The following ANKRD30A variants were observed in gnomAD, a reference collection of about 807,000 sequenced individuals.
ANKRD30A encodes the protein ankyrin repeat domain 30A.
ANKRD30A carries 170 observed loss-of-function variants against 166.3 expected under a neutral mutation model. The ratio of observed to expected loss-of-function variants is 1.02; its 90% CI spans 0.90 to 1.16. ANKRD30A has a LOEUF of 1.16. Ranked by LOEUF, ANKRD30A falls within the 50% of genes most tolerant of loss-of-function variation. ANKRD30A has a pLI of 0.00. For missense variants in ANKRD30A, 1,630 were observed against 1,518.0 expected, an observed-to-expected ratio of 1.07 and a Z score of -1.23; for synonymous variants, 564 against 508.9, an observed-to-expected ratio of 1.11 and a Z score of -1.46.
chr10:37,189,985 A>T (rs1419289088), intron 25 of ANKRD30A, among the ~76,000 whole-genome samples: 7 of 151,842 alleles, frequency 4.6e-5, no homozygotes, highest in Non-Finnish European at 1.0e-4. Flanking sequence ...ACCTTCTAGA[A>T]CCAAAATTTA....
At chr10:37,234,401 T>A (rs1357369951), downstream of ANKRD30A, among the ~76,000 whole-genome samples, 1 of 152,152 alleles carries the variant, frequency 6.6e-6, no homozygotes, top group Non-Finnish European at 1.5e-5. Context: ...TTGTAATAAA[T>A]GAAATCATAA....
rs764425571 is a variant in ANKRD30A, at chr10:37,158,575, C to G, written c.1889C>G (p.Thr630Ser). The G allele has an allele frequency of 7.4e-6, 12 of 1,612,612 alleles. No individual in the cohort carries two copies. The highest frequency in any genetic ancestry group is 9.3e-6 in the Non-Finnish European group (11 of 1,179,484). Residue 630 changes from threonine to serine, a missense_variant, in exon 15 of 36, where the codon ACT becomes AGT. By Grantham distance (58) the Thr-to-Ser change is moderately conservative. This residue lies in a region of ANKRD30A where 904 missense variants were observed against 818.5 expected (regional missense o/e 1.10). Transcript: ENST00000361713. The stretch of plus-strand genomic sequence containing the variant: ...GCCTTAGAATTGAAGGACATGCAAA[C>G]TTTCAAAGCAGGTAAATTTTGTAAT... ...TKALELKDMQ[T>S]FKAEPPGKPS...
At chr10:37,164,981 G>C (rs11011055) in intron 17 of ANKRD30A, 113 bp from the exon 18 acceptor site, 64,156 of 1,123,216 alleles carry the variant, frequency 0.057, 2,162 homozygotes, top group Non-Finnish European at 0.062. Flanking sequence ...AAGAACATAT[G>C]GGCCACAGAG....
chr10:37,197,420 A>G lies in ANKRD30A; in HGVS notation c.2656A>G (p.Met886Val). The G allele has an allele frequency of 1.2e-6, 2 of 1,612,696 alleles. No homozygotes were observed. Among genetic ancestry groups the G allele is most frequent in the Non-Finnish European group, 1.7e-6 (2 of 1,179,722 alleles). ...KPSAFEPAIE[M>V]QKSVPNKALE... Reference sequence around the variant, plus strand: ...CAACCCCATTTAGCCTGCCATTGAAATGCAAAAGTCTGTTCCAAATAAAGC... The same window carrying G: ...CAACCCCATTTAGCCTGCCATTGAAGTGCAAAAGTCTGTTCCAAATAAAGC... Residue 886 changes from methionine to valine, a missense_variant, in exon 29 of 36, where the codon ATG becomes GTG. Around this residue, in one of 4 missense-constraint regions of ANKRD30A, gnomAD observed 712 missense variants for 629.3 expected, o/e 1.13. Coordinates refer to ENST00000361713, the MANE Select transcript of ANKRD30A (RefSeq NM_052997.3).
chr10:37,151,057 G>C (rs199724168), intron 11 of ANKRD30A, among the ~76,000 whole-genome samples: 4,592 of 81,240 alleles, frequency 0.057, 255 homozygotes, highest in African/African-American at 0.065. Flanking sequence ...TGAACATTAG[G>C]GATGCTAAGA....
intron 30 of ANKRD30A, among the ~76,000 whole-genome samples, chr10:37,201,026 GC>G (rs1841580528): frequency 6.6e-6 from 1 of 151,930 alleles, no homozygotes; most frequent in African/African-American, 2.4e-5. Flanking sequence ...CGAGTTAATG[GC>G]CACATGGACA....
In ANKRD30A at chr10:37,159,139, C is replaced by G. The variant is rs535877507; in HGVS notation, c.1900+553C>G. Among the ~76,000 whole-genome samples the G allele has an allele frequency of 2.2e-3, 342 of 152,232 alleles. 1 individual carries two copies. Among genetic ancestry groups the G allele is most frequent in the Middle Eastern group, 6.8e-3 (2 of 294 alleles). On this transcript the variant is annotated intron_variant, in intron 15 of 35. Transcript: ENST00000361713. ...ACTATAAAGCATTTGGCCTTGGTGTCTTTTAATGCTACTGTAATGAATTGC... is the reference window on the plus strand; with the variant it reads ...ACTATAAAGCATTTGGCCTTGGTGTGTTTTAATGCTACTGTAATGAATTGC...
chr10:37,146,173 TC>T (rs1837497007), intron 8 of ANKRD30A, among the ~76,000 whole-genome samples: 1 of 26,420 alleles, frequency 3.8e-5, no homozygotes, highest in African/African-American at 1.2e-4. Flanking sequence ...AAAAAGACTT[TC>T]TAATACTTGA....
rs570556871 is a variant in ANKRD30A, at chr10:37,199,613, C to T, written c.2717-114C>T. 4.7e-4 allele frequency: 264 copies of T among 556,702 alleles called. 5 individuals are homozygous for T. The South Asian group carries it at 4.7e-3, about 10-fold the overall frequency. 34.5% of individuals were successfully genotyped at this position (556,702 alleles called of 1,614,324 possible). On this transcript the variant is annotated intron_variant, in intron 29 of 35. Transcript: ENST00000361713. ...CATTGTAATCAACAAAAAGAATATA[C>T]GGGCTACAGAGGAGGAACCACAGAT...
At chr10:37,137,703 G>C (rs1459386741) in intron 6 of ANKRD30A, among the ~76,000 whole-genome samples, 2 of 152,202 alleles carry the variant, frequency 1.3e-5, no homozygotes, top group Non-Finnish European at 2.9e-5. Flanking sequence ...GCCGAGGCTT[G>C]AGTAGGTAAA....
At chr10:37,161,756 A>G (rs1838895411) in intron 15 of ANKRD30A, among the ~76,000 whole-genome samples, 1 of 152,188 alleles carries the variant, frequency 6.6e-6, no homozygotes, top group Admixed American at 6.5e-5. Context: ...AATGACACAT[A>G]TTGAAAACTA....
intron 31 of ANKRD30A, among the ~76,000 whole-genome samples, chr10:37,215,108 ATT>A (rs1465704509): frequency 6.6e-6 from 1 of 151,406 alleles, no homozygotes; most frequent in Non-Finnish European, 1.5e-5. Context: ...TATCTTCTTG[ATT>A]TTTATTGTAG....
In ANKRD30A at chr10:37,216,382, T is replaced by C; in HGVS notation, c.3071T>C (p.Leu1024Pro). 2.5e-6 allele frequency: 4 copies of C among 1,602,022 alleles called. No individual in the cohort carries two copies. The highest frequency in any genetic ancestry group is 2.6e-6 in the Non-Finnish European group (3 of 1,174,144). ...CAAAAAGTTAAATGGGAACAAGAGC[T>C]CTGCAGTGTGAGGTGTGATTTCCTA... ...ENQKVKWEQE[L>P]CSVRLTLNQE... Residue 1024 changes from leucine to proline, a missense_variant, in exon 32 of 36, where the codon CTC becomes CCC. Coordinates refer to ENST00000361713, the MANE Select transcript of ANKRD30A (RefSeq NM_052997.3).
chr10:37,261,565 C>CA, the ANKRD30A span, among the ~76,000 whole-genome samples: 1 of 152,084 alleles, frequency 6.6e-6, no homozygotes, highest in African/African-American at 2.4e-5. Flanking sequence ...TATTCCTTAT[C>CA]AAAAAACTGG....
At position 37,165,076 on chromosome 10, in the gene ANKRD30A, G is replaced by A; in HGVS notation, c.2003-18G>A. 1 of 1,600,282 alleles carries A rather than the reference G, an allele frequency of 6.2e-7. No homozygotes were observed. On this transcript the variant is annotated intron_variant, in intron 17 of 35. Transcript: ENST00000361713. ...GAGAACTGTGCTCATGAATGTATCT[G>A]TGATTAACCTTTTATAGATGAGATA...
rs772987097 is a variant in ANKRD30A at position 37,142,047 on chromosome 10, G to C, written c.1150G>C (p.Ala384Pro). ...WPAKGRPRKI[A>P]WEKKEDTPRE... ...AGCAAAAGGAAGACCTAGGAAGATCGCATGGGAGAAAAAAGAAGACACACC... is the reference window on the plus strand; with the variant it reads ...AGCAAAAGGAAGACCTAGGAAGATCCCATGGGAGAAAAAAGAAGACACACC... The change falls in exon 7 of 36, where the codon GCA (alanine) becomes CCA (proline). Residue 384 changes from alanine to proline, a missense_variant. By Grantham distance (27) the Ala-to-Pro change is conservative. This residue lies in a region of ANKRD30A where 904 missense variants were observed against 818.5 expected (regional missense o/e 1.10). Coordinates refer to ENST00000361713, the MANE Select transcript of ANKRD30A (RefSeq NM_052997.3). The C allele has an allele frequency of 6.2e-7, 1 of 1,605,968 alleles. No individual in the cohort carries two copies. The highest frequency in any genetic ancestry group is 1.4e-5 in the African/African-American group (1 of 72,410).
At chr10:37,200,130 T>C (rs573287523) in intron 30 of ANKRD30A, among the ~76,000 whole-genome samples, 3 of 152,170 alleles carry the variant, frequency 2.0e-5, no homozygotes, top group African/African-American at 7.2e-5. Flanking sequence ...GATTCTGTCT[T>C]ATATCTAGAT....
At chr10:37,228,316 A>G (rs1254298780) in intron 34 of ANKRD30A, among the ~76,000 whole-genome samples, 1 of 152,008 alleles carries the variant, frequency 6.6e-6, no homozygotes, top group African/African-American at 2.4e-5. Flanking sequence ...CTTCATATAG[A>G]CAAACTTGAA....
chr10:37,224,834 T>C (rs1285962610), intron 34 of ANKRD30A, among the ~76,000 whole-genome samples: 1 of 151,588 alleles, frequency 6.6e-6, no homozygotes, highest in Non-Finnish European at 1.5e-5. Context: ...CCTGTTTCCT[T>C]TTCCCTCCTC....
Sources: gnomAD v4.1 joint callset for allele counts (sites outside exome capture counted in the v4.1 genomes callset) on GRCh38, gnomAD v4.1.1 for gene constraint, gnomAD v4.1.1 regional missense constraint, MANE v1.5 for transcripts, NCBI Gene and HGNC (gene_info 2026-07-23, HGNC 2026-07-21) for gene names.